The following FHAD1 variants were observed in gnomAD, a reference collection of about 807,000 sequenced individuals.
The protein encoded by FHAD1 is forkhead associated phosphopeptide binding domain 1.
A neutral mutation model predicts 191.3 loss-of-function variants in FHAD1; 146 were observed. That is an observed-to-expected ratio of 0.76 (90% CI 0.67 to 0.88). FHAD1 has a LOEUF of 0.88. FHAD1 is among the 40% of genes least tolerant of loss of function. FHAD1 has a pLI of 0.00. For synonymous variants in FHAD1, 616 were observed against 672.3 expected (o/e 0.92, Z 1.29); for missense variants, 1,635 against 1,785.8 (o/e 0.92, Z 1.52).
At chr1:15,353,282 T>A (rs1448431499) in intron 20 of FHAD1, among the ~76,000 whole-genome samples, 1 of 152,148 alleles carries the variant, frequency 6.6e-6, no homozygotes, top group Admixed American at 6.5e-5. Flanking sequence ...GTTAGCATGG[T>A]GAACTCATGG....
rs1696837656 is a variant in FHAD1, at chr1:15,367,451, T to C, written c.3155-12T>C. On this transcript the variant is annotated splice_polypyrimidine_tract_variant and intron_variant, in intron 24 of 33. Coordinates refer to ENST00000688493, the MANE Select transcript of FHAD1 (RefSeq NM_001391957.1). ...GCAGAGACCCCCTTACCGGCCCTCC[T>C]GTCACTCGCAGGGGAGCTAAACGAG... 6.5e-7 allele frequency: 1 copy of C among 1,549,954 alleles called. No individual in the cohort carries two copies.
rs765225773 is a variant in FHAD1 at position 15,397,374 on chromosome 1, C to A, written c.4401C>A (p.Ser1467Arg). The A allele has an allele frequency of 2.6e-6, 4 of 1,545,310 alleles. No individual in the cohort carries two copies. In the African/African-American group the frequency reaches 4.1e-5, roughly 16 times the overall value. The part of the protein sequence containing the change: ...MLRKETSSKS[S>R]QSLLHSKPSG... ...GGAAAGAGACCTCCAGCAAGTCCAG[C>A]CAGAGCCTTTTGCATTCTAAGCCCA... is the stretch of plus-strand genomic sequence containing the variant. Residue 1467 changes from serine (S) to arginine (R), a missense_variant, in exon 34 of 34, where the codon AGC (serine) becomes AGA (arginine). Physicochemically the swap from Ser to Arg is moderately radical, Grantham distance 110 (BLOSUM62 -1). Transcript: ENST00000688493.
chr1:15,376,085 ATTTATTTT>A (rs756980093), intron 28 of FHAD1, among the ~76,000 whole-genome samples: 8,763 of 124,524 alleles, frequency 0.07, 362 homozygotes, highest in African/African-American at 0.17. Flanking sequence ...TTATTTTTTT[ATTTATTTT>A]TTTATTTATT....
chr1:15,313,270 C>T (rs1672850988), intron 8 of FHAD1, 83 bp downstream of exon 8: 1 of 1,454,202 alleles, frequency 6.9e-7, no homozygotes, highest in Non-Finnish European at 9.2e-7. Context: ...TTGTTTCATT[C>T]ACCCTGGGCC....
intron 11 of FHAD1, 21 bp downstream of exon 11, chr1:15,324,580 C>T: frequency 4.0e-6 from 6 of 1,484,264 alleles, no homozygotes; most frequent in Non-Finnish European, 5.5e-6. Context: ...TCCAGAGCCC[C>T]CCTCATTGGC....
At chr1:15,395,622 G>A (rs1178944446) in intron 33 of FHAD1, among the ~76,000 whole-genome samples, 2 of 152,114 alleles carry the variant, frequency 1.3e-5, no homozygotes, top group Admixed American at 6.5e-5. Context: ...TCATGCACAC[G>A]GCTGCCAGGA....
chr1:15,336,412 C>T lies in FHAD1; in HGVS notation c.1907-3069C>T, dbSNP rs1684114747. Among the ~76,000 whole-genome samples, 4 of 152,176 alleles carry T rather than the reference C, an allele frequency of 2.6e-5. 1 individual carries two copies. In the South Asian group the frequency reaches 6.2e-4, roughly 24 times the overall value. On this transcript the variant is annotated intron_variant, in intron 14 of 33. Transcript: ENST00000688493. ...CCTCACTTCCTTTTTCTCTCTTGGC[C>T]CACCTTTTATTCCTTCCCTCCATTA...
chr1:15,332,866 A>G (rs180994096), intron 14 of FHAD1, among the ~76,000 whole-genome samples: 24 of 152,334 alleles, frequency 1.6e-4, no homozygotes, highest in East Asian at 1.2e-3. Context: ...AACATTAAGC[A>G]GGTTTCTGCA....
At chr1:15,249,743 C>T (rs2479076) in intron 1 of FHAD1, among the ~76,000 whole-genome samples, 44,172 of 151,772 alleles carry the variant, frequency 0.29, 7,449 homozygotes, top group Non-Finnish European at 0.39. Flanking sequence ...AGTGACAACC[C>T]CACTATCCCA....
intron 16 of FHAD1, 136 bp downstream of exon 16, chr1:15,342,024 CAG>C (rs1458395974): frequency 4.4e-6 from 3 of 684,732 alleles, no homozygotes; most frequent in African/African-American, 1.8e-5. Context: ...ATTAATTAAA[CAG>C]GGTGAATAAT....
intron 1 of FHAD1, among the ~76,000 whole-genome samples, chr1:15,248,071 A>G (rs1322804735): frequency 6.6e-6 from 1 of 151,400 alleles, no homozygotes; most frequent in Admixed American, 6.6e-5. Flanking sequence ...TTTTTCCAGA[A>G]TGTCATCTAG....
At chr1:15,389,346 T>G (rs1453056489) in intron 32 of FHAD1, among the ~76,000 whole-genome samples, 1 of 149,412 alleles carries the variant, frequency 6.7e-6, no homozygotes, top group African/African-American at 2.5e-5. Context: ...CTCAGGAGGC[T>G]GAGGTGGGAC....
chr1:15,243,956 T>A (rs1379728150), upstream of FHAD1, among the ~76,000 whole-genome samples: 1 of 152,202 alleles, frequency 6.6e-6, no homozygotes, highest in Non-Finnish European at 1.5e-5. Flanking sequence ...TCTCTGAGCC[T>A]TATTTCCTAC....
Position 15,316,594 on chromosome 1 carries a change from T to C in FHAD1, c.1260+127T>C. On this transcript the variant is annotated intron_variant, in intron 9 of 33. Coordinates refer to ENST00000688493, the MANE Select transcript of FHAD1 (RefSeq NM_001391957.1). This position sits in a 1 kb window ranked among gnomAD's most constrained non-coding sequence, Gnocchi z 4.3. ...GGGCTCTGTGCTTGCTTGTTTAACA[T>C]AGTCTCATTGCTCTTTGATCTGCTG... is the stretch of plus-strand genomic sequence containing the variant. 1 of 786,312 alleles carries C rather than the reference T, an allele frequency of 1.3e-6. No homozygotes were observed. The highest frequency in any genetic ancestry group is 2.1e-6 in the Non-Finnish European group (1 of 486,452). 48.7% of individuals were successfully genotyped at this position (786,312 alleles called of 1,614,324 possible).
intron 16 of FHAD1, among the ~76,000 whole-genome samples, chr1:15,344,231 T>C (rs1186031142): frequency 5.9e-5 from 9 of 152,238 alleles, no homozygotes; most frequent in African/African-American, 1.9e-4. Flanking sequence ...GAGCCTTCCT[T>C]AGACCTTCTG....
chr1:15,238,578 G>A (rs993565769), intron 1 of FHAD1, among the ~76,000 whole-genome samples: 2 of 152,134 alleles, frequency 1.3e-5, no homozygotes, highest in Non-Finnish European at 2.9e-5. Flanking sequence ...AGTGAGCAGG[G>A]GTGTCAGCTT....
At chr1:15,350,796 T>C (rs1690591506) in intron 19 of FHAD1, among the ~76,000 whole-genome samples, 1 of 151,886 alleles carries the variant, frequency 6.6e-6, no homozygotes, top group South Asian at 2.1e-4. Context: ...GGCAGTTGAG[T>C]GGGCACAGCA....
chr1:15,295,759 A>G (rs1261797270), intron 4 of FHAD1, among the ~76,000 whole-genome samples: 5 of 152,216 alleles, frequency 3.3e-5, no homozygotes, highest in South Asian at 2.1e-4. Flanking sequence ...ATAAATCCCA[A>G]TATCACAGAA....
At chr1:15,368,067 G>C (rs940469229) in intron 25 of FHAD1, among the ~76,000 whole-genome samples, 10 of 152,134 alleles carry the variant, frequency 6.6e-5, no homozygotes, top group African/African-American at 1.9e-4. Context: ...TGCCTCCCGG[G>C]TTCAAGCCAT....
Sources: gnomAD v4.1 joint callset for allele counts (sites outside exome capture counted in the v4.1 genomes callset) on GRCh38, gnomAD v4.1.1 for gene constraint, Gnocchi (gnomAD v3.1) non-coding constraint, MANE v1.5 for transcripts, NCBI Gene and HGNC (gene_info 2026-07-23, HGNC 2026-07-21) for gene names.